The following LLPH variants were observed in gnomAD, a reference collection of about 807,000 sequenced individuals.
LLPH encodes LLP homolog, long-term synaptic facilitation factor.
In LLPH, 5 loss-of-function variants were observed where a neutral mutation model predicts 13.3. That is an observed-to-expected ratio of 0.38 (90% CI 0.20 to 0.79). The LOEUF is 0.79. Ranked by LOEUF, LLPH falls within the 30% of genes least tolerant of loss-of-function variation. The pLI is 0.45. For synonymous variants in LLPH, 32 were observed against 44.2 expected, an observed-to-expected ratio of 0.72 and a Z score of 1.09; for missense variants, 129 against 152.1, an observed-to-expected ratio of 0.85 and a Z score of 0.80.
intron 2 of LLPH, among the ~76,000 whole-genome samples, chr12:66,125,991 A>G (rs2051493794): frequency 6.6e-6 from 1 of 152,204 alleles, no homozygotes; most frequent in Non-Finnish European, 1.5e-5. Flanking sequence ...TTGATGACTC[A>G]AGGGGCATTT....
In LLPH at chr12:66,120,892, T is replaced by G. The variant is rs1209354518; in HGVS notation, c.*2948A>C. 6.6e-6 allele frequency: 1 copy of G among 152,254 alleles called. No homozygotes were observed. The highest frequency in any genetic ancestry group is 1.5e-5 in the Non-Finnish European group (1 of 68,052). 9.4% of individuals were successfully genotyped at this position (152,254 alleles called of 1,614,324 possible). On this transcript the variant is annotated 3_prime_UTR_variant, in exon 3 of 3. Coordinates refer to ENST00000266604, the MANE Select transcript of LLPH (RefSeq NM_032338.4). ...CCAATATTTGGAGGTGGGGAGAATCTTGCTGGTAGTGTTCAGGAACTCAGT... is the reference window on the plus strand; with the variant it reads ...CCAATATTTGGAGGTGGGGAGAATCGTGCTGGTAGTGTTCAGGAACTCAGT...
intron 2 of LLPH, among the ~76,000 whole-genome samples, chr12:66,126,096 G>A (rs916643710): frequency 7.3e-5 from 11 of 151,678 alleles, no homozygotes; most frequent in East Asian, 1.9e-4. Flanking sequence ...AGGCCGAGGC[G>A]GGTGGATCAC....
chr12:66,130,665 A>T (rs902121869), intron 1 of LLPH, 40 bp downstream of exon 1: 6 of 152,332 alleles, frequency 3.9e-5, no homozygotes, highest in African/African-American at 1.2e-4. Context: ...TCAAGCCCCA[A>T]GTCCCATGTG....
chr12:66,120,925 A>G lies in LLPH; in HGVS notation c.*2915T>C, dbSNP rs561267464. The stretch of plus-strand genomic sequence containing the variant: ...AGTGTTCAGGAACTCAGTGCCTTAG[A>G]GGGTACTGACAACACTGTGTCAGTA... On this transcript the variant is annotated 3_prime_UTR_variant, in exon 3 of 3. Coordinates refer to ENST00000266604, the MANE Select transcript of LLPH (RefSeq NM_032338.4). 3.5e-4 allele frequency: 53 copies of G among 152,354 alleles called. 1 individual carries two copies. Among genetic ancestry groups the G allele is most frequent in the African/African-American group, 1.3e-3 (52 of 41,582 alleles). The allele number at this position is 152,354 out of a possible 1,614,324, so 9.4% of individuals were successfully genotyped here. A position where few individuals can be genotyped will look rare whatever the true frequency, so the allele number is the denominator to read the frequency against.
At chr12:66,127,354 T>C (rs556752259) in intron 2 of LLPH, among the ~76,000 whole-genome samples, 13 of 152,226 alleles carry the variant, frequency 8.5e-5, no homozygotes, top group South Asian at 4.1e-4. Flanking sequence ...AGTACTGATA[T>C]ATGCTACAAT....
chr12:66,121,702 T>C lies in LLPH; in HGVS notation c.*2138A>G, dbSNP rs2051463810. On this transcript the variant is annotated 3_prime_UTR_variant, in exon 3 of 3. Coordinates refer to ENST00000266604, the MANE Select transcript of LLPH (RefSeq NM_032338.4). ...GAGTTTGAGACCAGCCTGGGCAACA[T>C]GGCGAAACCCTGTCTCTACAAAAAT... The C allele has an allele frequency of 6.6e-6, 1 of 151,360 alleles. No homozygotes were observed. The highest frequency in any genetic ancestry group is 2.0e-4 in the East Asian group (1 of 5,046). The allele number at this position is 151,360 out of a possible 1,614,324, so 9.4% of individuals were successfully genotyped here.
At position 66,120,323 on chromosome 12, in the gene LLPH, T is replaced by C. The variant is rs2051455105; in HGVS notation, c.*3517A>G. 1 of 152,230 alleles carries C rather than the reference T, an allele frequency of 6.6e-6. No individual in the cohort carries two copies. Among genetic ancestry groups the C allele is most frequent in the African/African-American group, 2.4e-5 (1 of 41,458 alleles). 9.4% of individuals were successfully genotyped at this position (152,230 alleles called of 1,614,324 possible). ...ATCACCTTTCTCTCTTAGCAAGAGT[T>C]TGCACATCCTTGAGAGGCAGAATGG... On this transcript the variant is annotated 3_prime_UTR_variant, in exon 3 of 3. Coordinates refer to ENST00000266604, the MANE Select transcript of LLPH (RefSeq NM_032338.4).
At chr12:66,124,531 G>A (rs903565874) in intron 2 of LLPH, among the ~76,000 whole-genome samples, 2 of 152,184 alleles carry the variant, frequency 1.3e-5, no homozygotes, top group African/African-American at 4.8e-5. Flanking sequence ...TCCTAGCTAG[G>A]TAACACCCAG....
At chr12:66,128,254 G>A (rs1437657858) in intron 2 of LLPH, among the ~76,000 whole-genome samples, 2 of 152,110 alleles carry the variant, frequency 1.3e-5, no homozygotes, top group Non-Finnish European at 2.9e-5. Flanking sequence ...TCAAATACAT[G>A]TATTTCTATT....
chr12:66,122,476 T>C lies in LLPH; in HGVS notation c.*1364A>G, dbSNP rs796650111. 1.1e-4 allele frequency: 17 copies of C among 152,340 alleles called. No homozygotes were observed. The highest frequency in any genetic ancestry group is 3.8e-4 in the African/African-American group (16 of 41,574). The allele number at this position is 152,340 out of a possible 1,614,324, so 9.4% of individuals were successfully genotyped here. A position where few individuals can be genotyped will look rare whatever the true frequency, so the allele number is the denominator to read the frequency against. The stretch of plus-strand genomic sequence containing the variant: ...GCATCTGGAAAGTCCCTGGCCCACA[T>C]ACTAGGCACTCAGTAAGTATTTGGT... On this transcript the variant is annotated 3_prime_UTR_variant, in exon 3 of 3. Transcript: ENST00000266604.
At chr12:66,124,045 A>G (rs1486285624) in intron 2 of LLPH, 27 bp from the exon 3 acceptor site, 1 of 1,524,888 alleles carries the variant, frequency 6.6e-7, no homozygotes, top group African/African-American at 1.4e-5. Flanking sequence ...AAAAACTATT[A>G]ACACCATGTA....
intron 2 of LLPH, 82 bp downstream of exon 2, chr12:66,128,814 C>G: frequency 3.2e-6 from 3 of 951,294 alleles, no homozygotes; most frequent in Non-Finnish European, 4.8e-6. Flanking sequence ...CCACTGCACT[C>G]TAGCCTAGGT....
chr12:66,128,964 G>A lies in LLPH; in HGVS notation c.143C>T (p.Ala48Val), dbSNP rs770717828. ...TTTGGGTTTGGGTACCACCACAGTT[G>A]CTATCTCTTGAACATCTTTCATTAA... is the stretch of plus-strand genomic sequence containing the variant. ...DVLMKDVQEI[A>V]TVVVPKPKHC... is the part of the protein sequence containing the mutation. Residue 48 changes from alanine (A) to valine (V), a missense_variant, in exon 2 of 3, where the codon GCA becomes GTA. Physicochemically the swap from Ala to Val is moderately conservative, Grantham distance 64. Transcript: ENST00000266604. 37 of 1,612,954 alleles carry A rather than the reference G, an allele frequency of 2.3e-5. No individual in the cohort carries two copies. Among genetic ancestry groups the A allele is most frequent in the Non-Finnish European group, 3.0e-5 (35 of 1,179,410 alleles).
At position 66,129,091 on chromosome 12, in the gene LLPH, G is replaced by A. The variant is rs766839046; in HGVS notation, c.16C>T (p.Arg6Trp). The A allele has an allele frequency of 3.5e-5, 56 of 1,609,392 alleles. No homozygotes were observed. The highest frequency in any genetic ancestry group is 6.7e-5 in the African/African-American group (5 of 74,550). Residue 6 changes from arginine to tryptophan, a missense_variant, in exon 2 of 3, where the codon CGG (arginine) becomes TGG (tryptophan). Transcript: ENST00000266604. MAKSL[R>W]SKWKRKMRAE... is the part of the protein sequence containing the mutation. ...CGCATCTTTCTTTTCCACTTACTCC[G>A]TAAGCTTTTAGCCATGTTTTACCTG...
intron 1 of LLPH, among the ~76,000 whole-genome samples, chr12:66,129,776 G>A (rs1159680212): frequency 1.3e-5 from 2 of 152,086 alleles, no homozygotes; most frequent in Non-Finnish European, 2.9e-5. Context: ...AATTACAAAT[G>A]ATTTTTATAA....
intron 2 of LLPH, among the ~76,000 whole-genome samples, chr12:66,124,376 A>G (rs1215259456): frequency 6.6e-6 from 1 of 152,212 alleles, no homozygotes; most frequent in Admixed American, 6.5e-5. Context: ...ATGACTGGCC[A>G]TTTCTTAAGA....
intron 2 of LLPH, among the ~76,000 whole-genome samples, chr12:66,125,157 T>C (rs1385940043): frequency 6.6e-6 from 1 of 152,214 alleles, no homozygotes; most frequent in African/African-American, 2.4e-5. Flanking sequence ...CTGATTTACC[T>C]TCTGAAAAGA....
At chr12:66,129,138 C>A in intron 1 of LLPH, 25 bp from the exon 2 acceptor site, 1 of 1,441,608 alleles carries the variant, frequency 6.9e-7, no homozygotes, top group South Asian at 1.2e-5. Flanking sequence ...AACACACATT[C>A]AAAAGCAAAT....
Position 66,122,287 on chromosome 12 carries a change from T to C in LLPH, c.*1553A>G, listed in dbSNP as rs1184469466. 1 of 152,068 alleles carries C rather than the reference T, an allele frequency of 6.6e-6. No homozygotes were observed. Among genetic ancestry groups the C allele is most frequent in the Non-Finnish European group, 1.5e-5 (1 of 67,950 alleles). 9.4% of individuals were successfully genotyped at this position (152,068 alleles called of 1,614,324 possible). A position where few individuals can be genotyped will look rare whatever the true frequency, so the allele number is the denominator to read the frequency against. ...CATGTCCATGTATTGTGCCCCAATT[T>C]AGCAGTGTGCCTGGCACAAAGTTTG... On this transcript the variant is annotated 3_prime_UTR_variant, in exon 3 of 3. Transcript: ENST00000266604.
Sources: allele counts gnomAD v4.1 joint callset (sites outside exome capture counted in the v4.1 genomes callset), GRCh38; gene constraint gnomAD v4.1.1; transcripts MANE v1.5; gene names NCBI Gene and HGNC (gene_info 2026-07-23, HGNC 2026-07-21).